SYNPR: variants seen among roughly 807,000 people sequenced by gnomAD.
The protein encoded by SYNPR is synaptoporin.
In SYNPR, 23 loss-of-function variants were observed where a neutral mutation model predicts 32.9. The observed-to-expected ratio is 0.70, with a 90% CI of 0.50 to 0.99. The LOEUF is 0.99. Ranked by LOEUF, SYNPR falls within the 50% of genes least tolerant of loss-of-function variation. The pLI is 0.00. For missense variants in SYNPR, 318 were observed against 349.3 expected (o/e 0.91, Z 0.71); for synonymous variants, 146 against 135.9 (o/e 1.07, Z -0.52).
intron 2 of SYNPR, among the ~76,000 whole-genome samples, chr3:63,303,854 C>T (rs2086881557): frequency 6.6e-6 from 1 of 151,912 alleles, no homozygotes; most frequent in African/African-American, 2.4e-5. Context: ...TTGGTATTGC[C>T]AGTTCTTCTC....
chr3:63,594,350 T>C (rs1408225908), intron 4 of SYNPR, among the ~76,000 whole-genome samples: 3 of 152,174 alleles, frequency 2.0e-5, no homozygotes, highest in Admixed American at 2.0e-4. Context: ...ATACAGTCAA[T>C]AATAGTCACC....
chr3:63,507,153 T>TAA (rs1361855751), intron 3 of SYNPR, among the ~76,000 whole-genome samples: 2 of 116,796 alleles, frequency 1.7e-5, no homozygotes, highest in Admixed American at 8.5e-5. Context: ...TCTCAAAAAA[T>TAA]AAAAAAAAAA....
intron 2 of SYNPR, among the ~76,000 whole-genome samples, chr3:63,381,530 C>T (rs1206557038): frequency 6.6e-6 from 1 of 152,214 alleles, no homozygotes; most frequent in African/African-American, 2.4e-5. Flanking sequence ...CAATGACTTT[C>T]TTCACAGAAC....
chr3:63,452,015 C>T (rs879582368), intron 2 of SYNPR: 2 of 696,532 alleles, frequency 2.9e-6, no homozygotes, highest in East Asian at 2.7e-5. Flanking sequence ...CTTCCTCCCC[C>T]AGACCAGTTC....
chr3:63,571,195 A>G (rs979631439), intron 4 of SYNPR, among the ~76,000 whole-genome samples: 2 of 152,182 alleles, frequency 1.3e-5, no homozygotes, highest in African/African-American at 4.8e-5. Context: ...ACTAAAATGT[A>G]TGGGAAATCT....
At chr3:63,503,049 C>A (rs1156411554) in intron 3 of SYNPR, among the ~76,000 whole-genome samples, 1 of 152,098 alleles carries the variant, frequency 6.6e-6, no homozygotes, top group Non-Finnish European at 1.5e-5. Flanking sequence ...AAGAAATCAC[C>A]AAATTGCTTT....
At chr3:63,570,040 G>A (rs1008029971) in intron 4 of SYNPR, among the ~76,000 whole-genome samples, 1 of 152,080 alleles carries the variant, frequency 6.6e-6, no homozygotes, top group Non-Finnish European at 1.5e-5. Context: ...GGCTTTGTTT[G>A]TTTGTTTGTT....
At chr3:63,489,580 G>C (rs571234168) in intron 3 of SYNPR, among the ~76,000 whole-genome samples, 2 of 152,286 alleles carry the variant, frequency 1.3e-5, no homozygotes, top group Non-Finnish European at 2.9e-5. Context: ...AGCACCTGCA[G>C]TGTATAAGGC....
At position 63,527,509 on chromosome 3, in the gene SYNPR, A is replaced by T. The variant is rs74347739; in HGVS notation, c.210-29034A>T. Among the ~76,000 whole-genome samples, 480 of 152,278 alleles carry T rather than the reference A, an allele frequency of 3.2e-3. 2 individuals carry two copies. Among genetic ancestry groups the T allele is most frequent in the African/African-American group, 0.011 (464 of 41,552 alleles). On this transcript the variant is annotated intron_variant, in intron 3 of 5. Coordinates refer to ENST00000478300, the MANE Select transcript of SYNPR (RefSeq NM_001130003.2). ...GAGAAAACCCCTGAAAAATGGTGACATTGCTTTGCCAGAATCCTGAGCACC... is the reference window on the plus strand; with the variant it reads ...GAGAAAACCCCTGAAAAATGGTGACTTTGCTTTGCCAGAATCCTGAGCACC...
chr3:63,610,545 T>C, intron 5 of SYNPR: 1 of 696,698 alleles, frequency 1.4e-6, no homozygotes, highest in Non-Finnish European at 2.6e-6. Context: ...GACTGTGATT[T>C]CTGCTTTGGT....
intron 2 of SYNPR, among the ~76,000 whole-genome samples, chr3:63,382,109 C>G (rs2087977994): frequency 6.6e-6 from 1 of 152,124 alleles, no homozygotes. Flanking sequence ...TTAGAAAACT[C>G]AAGAAGGGAA....
chr3:63,348,024 GAGTA>G (rs1439790798), intron 2 of SYNPR, among the ~76,000 whole-genome samples: 2 of 152,036 alleles, frequency 1.3e-5, no homozygotes. Flanking sequence ...ACAGGTATCT[GAGTA>G]CAGGTATCTT....
At chr3:63,340,131 G>C (rs956094972) in intron 2 of SYNPR, among the ~76,000 whole-genome samples, 1 of 152,014 alleles carries the variant, frequency 6.6e-6, no homozygotes, top group Non-Finnish European at 1.5e-5. Context: ...ATTTCCTTCA[G>C]ATCTATCCAA....
chr3:63,406,081 G>A (rs769810819), intron 2 of SYNPR, among the ~76,000 whole-genome samples: 1 of 152,018 alleles, frequency 6.6e-6, no homozygotes, highest in African/African-American at 2.4e-5. Context: ...AGGTGGCAGA[G>A]CTGGGATTTG....
intron 2 of SYNPR, among the ~76,000 whole-genome samples, chr3:63,388,598 T>TGTGTA (rs1553875167): frequency 1.5e-5 from 1 of 65,470 alleles, no homozygotes; most frequent in African/African-American, 5.1e-5. Flanking sequence ...GTGTGTGTAT[T>TGTGTA]TTTAGTAGAG....
intron 2 of SYNPR, among the ~76,000 whole-genome samples, chr3:63,284,864 A>G (rs1259612073): frequency 6.6e-6 from 1 of 152,170 alleles, no homozygotes; most frequent in African/African-American, 2.4e-5. Context: ...GGACTATATT[A>G]CTGTGTTTTT....
rs1158724388 is a variant in SYNPR at position 63,509,314 on chromosome 3, A to G, written c.209+28358A>G. Among the ~76,000 whole-genome samples the G allele has an allele frequency of 2.6e-5, 4 of 150,958 alleles. No homozygotes were observed. The South Asian group carries it at 6.3e-4, about 24-fold the overall frequency. On this transcript the variant is annotated intron_variant, in intron 3 of 5. Coordinates refer to ENST00000478300, the MANE Select transcript of SYNPR (RefSeq NM_001130003.2). ...TATATATATATACACACACATATAT[A>G]TAACTGAAAGAATATACATATTCTT...
chr3:63,521,146 C>G (rs1243626569), intron 3 of SYNPR, among the ~76,000 whole-genome samples: 1 of 152,168 alleles, frequency 6.6e-6, no homozygotes, highest in Non-Finnish European at 1.5e-5. Flanking sequence ...GCACTAGACC[C>G]CTTGAAGACA....
intron 2 of SYNPR, among the ~76,000 whole-genome samples, chr3:63,425,645 C>T (rs779041915): frequency 2.6e-5 from 4 of 152,092 alleles, no homozygotes; most frequent in Non-Finnish European, 5.9e-5. Context: ...CAGGCTTCAT[C>T]CATTACTATC....
Sources: allele counts gnomAD v4.1 joint callset (sites outside exome capture counted in the v4.1 genomes callset), GRCh38; gene constraint gnomAD v4.1.1; transcripts MANE v1.5; gene names NCBI Gene and HGNC (gene_info 2026-07-23, HGNC 2026-07-21).